OSBPL10: variants seen among roughly 807,000 people sequenced by gnomAD.
OSBPL10 encodes the protein oxysterol binding protein like 10.
In OSBPL10, 49 loss-of-function variants were observed where a neutral mutation model predicts 81.7. That is an observed-to-expected ratio of 0.60 (90% confidence interval 0.48 to 0.76). OSBPL10 has a LOEUF of 0.76. Among genes scored for constraint, OSBPL10 ranks in the 30% least tolerant of loss-of-function variants. The pLI, the probability that OSBPL10 is intolerant of heterozygous loss-of-function variation, is 0.00. For synonymous variants in OSBPL10, 419 were observed against 383.6 expected (o/e 1.09, Z -1.08); for missense variants, 923 against 987.8 (o/e 0.93, Z 0.88).
chr3:31,894,668 T>G (rs1172769672), intron 1 of OSBPL10, among the ~76,000 whole-genome samples: 1 of 152,200 alleles, frequency 6.6e-6, no homozygotes, highest in African/African-American at 2.4e-5. Flanking sequence ...CCATTTTTAC[T>G]GGGAGGAGTG....
At chr3:32,035,359 C>G (rs977646933) in intron 2 of OSBPL10, among the ~76,000 whole-genome samples, 2 of 151,960 alleles carry the variant, frequency 1.3e-5, no homozygotes, top group Non-Finnish European at 2.9e-5. Context: ...CTCAAGAGTT[C>G]GAGACCAGCT....
At chr3:31,706,263 T>C (rs1034350050) in intron 6 of OSBPL10, among the ~76,000 whole-genome samples, 3 of 152,216 alleles carry the variant, frequency 2.0e-5, no homozygotes, top group Non-Finnish European at 4.4e-5. Flanking sequence ...GCAAGGGTTC[T>C]TGGCCTGGGT....
At chr3:31,812,744 AAG>A (rs1699723144) in intron 4 of OSBPL10, among the ~76,000 whole-genome samples, 1 of 29,664 alleles carries the variant, frequency 3.4e-5, no homozygotes, top group Non-Finnish European at 6.3e-5. Flanking sequence ...GAAAGAAAGA[AAG>A]AAAGAAAGAA....
At chr3:31,742,167 G>A (rs557016593) in intron 5 of OSBPL10, among the ~76,000 whole-genome samples, 11 of 152,288 alleles carry the variant, frequency 7.2e-5, no homozygotes, top group Non-Finnish European at 1.6e-4. Context: ...AAGTATAACA[G>A]ACAAAGAAAG....
intron 4 of OSBPL10, among the ~76,000 whole-genome samples, chr3:31,803,650 T>TTTTCCCACTAATA (rs1301905816): frequency 6.6e-6 from 1 of 152,230 alleles, no homozygotes. Context: ...CTACAGACCT[T>TTTTCCCACTAATA]GTTTTCAGTT....
intron 4 of OSBPL10, among the ~76,000 whole-genome samples, chr3:31,767,191 C>A (rs564312362): frequency 2.6e-5 from 4 of 152,304 alleles, no homozygotes; most frequent in African/African-American, 9.6e-5. Context: ...AGCCAATTCT[C>A]TCTTTCAAGA....
At chr3:31,894,211 A>AT (rs1695990695) in intron 1 of OSBPL10, among the ~76,000 whole-genome samples, 1 of 152,158 alleles carries the variant, frequency 6.6e-6, no homozygotes, top group African/African-American at 2.4e-5. Context: ...GAGCGGTCGG[A>AT]GTTGGAGATG....
intron 1 of OSBPL10, among the ~76,000 whole-genome samples, chr3:31,886,683 T>G (rs1251395421): frequency 6.6e-6 from 1 of 152,204 alleles, no homozygotes; most frequent in Admixed American, 6.5e-5. Flanking sequence ...GGATCACGCC[T>G]GTAATCCCAG....
intron 6 of OSBPL10, among the ~76,000 whole-genome samples, chr3:31,728,370 A>C (rs1262322865): frequency 6.6e-6 from 1 of 152,176 alleles, no homozygotes; most frequent in Non-Finnish European, 1.5e-5. Flanking sequence ...CAGGGGTGGG[A>C]CTGATAGTCC....
chr3:31,953,379 T>C (rs1217215732), intron 1 of OSBPL10, among the ~76,000 whole-genome samples: 1 of 151,442 alleles, frequency 6.6e-6, no homozygotes, highest in East Asian at 1.9e-4. Flanking sequence ...ACACAAAGAG[T>C]GGGCACTGCT....
rs139184068 is a variant in OSBPL10 at position 31,805,526 on chromosome 3, A to G, written c.729+24514T>C. Among the ~76,000 whole-genome samples, 587 of 152,340 alleles carry G rather than the reference A, an allele frequency of 3.9e-3. 3 individuals carry two copies. Among genetic ancestry groups the G allele is most frequent in the African/African-American group, 8.7e-3 (363 of 41,588 alleles). On this transcript the variant is annotated intron_variant, in intron 4 of 11. Transcript: ENST00000396556. ...TTTGGCTATACGTGGTTTTAGCAAA[A>G]TAATTTGAAATGACTAGTAAATGGG...
In OSBPL10 at chr3:31,683,916, T is replaced by C. The variant is rs1354626551; in HGVS notation, c.1444A>G (p.Ile482Val). ...GALAKKPYNP[I>V]IGETFHCSWE... is the part of the protein sequence containing the mutation. ...GAGCAGTGAAATGTCTCGCCTATGATGGGGTTGTAGGGCTTCTTGGCTAAA... is the reference window on the plus strand; with the variant it reads ...GAGCAGTGAAATGTCTCGCCTATGACGGGGTTGTAGGGCTTCTTGGCTAAA... Residue 482 changes from isoleucine (I) to valine (V), a missense_variant, in exon 8 of 12, where the codon ATC becomes GTC. By Grantham distance (29) the Ile-to-Val change is conservative (BLOSUM62 3). This residue lies in a region of OSBPL10 where 387 missense variants were observed against 436.3 expected (regional missense o/e 0.89). Coordinates refer to ENST00000396556, the MANE Select transcript of OSBPL10 (RefSeq NM_017784.5). 1 of 1,614,236 alleles carries C rather than the reference T, an allele frequency of 6.2e-7. No individual in the cohort carries two copies. The highest frequency in any genetic ancestry group is 2.2e-5 in the East Asian group (1 of 44,874).
intron 1 of OSBPL10, among the ~76,000 whole-genome samples, chr3:31,901,205 C>T (rs1328937995): frequency 6.6e-6 from 1 of 152,192 alleles, no homozygotes; most frequent in African/African-American, 2.4e-5. Flanking sequence ...TAATCATCTC[C>T]CTCTACTCGA....
rs983894953 is a variant in OSBPL10 at position 31,816,767 on chromosome 3, G to A, written c.729+13273C>T. Among the ~76,000 whole-genome samples the A allele has an allele frequency of 1.2e-4, 18 of 152,248 alleles. No individual in the cohort carries two copies. The East Asian group carries it at 3.5e-3, about 30-fold the overall frequency. On this transcript the variant is annotated intron_variant, in intron 4 of 11. Transcript: ENST00000396556. Reference sequence around the variant, plus strand: ...TATTGAGTGTTACAACAGCTCAGAGGAGACCCGTAGCGGGTGACTCCTTTC... The same window carrying A: ...TATTGAGTGTTACAACAGCTCAGAGAAGACCCGTAGCGGGTGACTCCTTTC...
intron 1 of OSBPL10, among the ~76,000 whole-genome samples, chr3:31,913,732 A>C (rs1696660575): frequency 6.6e-6 from 1 of 152,194 alleles, no homozygotes; most frequent in African/African-American, 2.4e-5. Context: ...TCTGAAATAA[A>C]GATATTGTTA....
intron 3 of OSBPL10, among the ~76,000 whole-genome samples, chr3:31,869,101 C>T (rs1050226521): frequency 2.9e-4 from 44 of 152,224 alleles, no homozygotes; most frequent in Admixed American, 2.5e-3. Flanking sequence ...TACTAAGCCT[C>T]CAACTCCGAG....
intron 3 of OSBPL10, among the ~76,000 whole-genome samples, chr3:31,866,441 AGAG>A (rs772048764): frequency 1.2e-3 from 190 of 152,280 alleles, no homozygotes; most frequent in Middle Eastern, 3.4e-3. Flanking sequence ...GCCTTCAGGA[AGAG>A]AAGACACCCA....
At chr3:31,703,646 A>T (rs1254187572) in intron 6 of OSBPL10, 1 of 152,214 alleles carries the variant, frequency 6.6e-6, no homozygotes, top group African/African-American at 2.4e-5. Flanking sequence ...CAACATTCCA[A>T]AGAGAGGTAA....
chr3:32,069,035 C>T (rs138531224), intron 1 of OSBPL10, among the ~76,000 whole-genome samples: 1 of 152,136 alleles, frequency 6.6e-6, no homozygotes, highest in African/African-American at 2.4e-5. Flanking sequence ...AGCTCTCCCC[C>T]ACCTGCCCAA....
Sources: allele counts gnomAD v4.1 joint callset (sites outside exome capture counted in the v4.1 genomes callset), GRCh38; gene constraint gnomAD v4.1.1; regional missense constraint gnomAD v4.1.1; transcripts MANE v1.5; gene names NCBI Gene and HGNC (gene_info 2026-07-23, HGNC 2026-07-21).